Variants in HELQ observed in about 807,000 individuals in gnomAD.
The protein encoded by HELQ is helicase, POLQ like.
Under a neutral mutation model 111.6 loss-of-function variants are expected in HELQ, and 77 were observed. That is an observed-to-expected ratio of 0.69 (90% CI 0.57 to 0.83). The LOEUF (loss-of-function observed/expected upper bound fraction) is 0.83. HELQ is among the 40% of genes least tolerant of loss of function. The probability of loss-of-function intolerance (pLI) is 0.00; values close to 1 mark genes in which losing one functional copy is unlikely to be tolerated. For missense variants in HELQ, 1,200 were observed against 1,288.5 expected (o/e 0.93, Z 1.05); for synonymous variants, 438 against 454.7 (o/e 0.96, Z 0.47).
At chr4:83,446,315 T>C (rs372687585) in intron 4 of HELQ, among the ~76,000 whole-genome samples, 5 of 47,176 alleles carry the variant, frequency 1.1e-4, no homozygotes, top group Non-Finnish European at 1.7e-4. Flanking sequence ...ACTAAAAAAA[T>C]TTTTTTTTTA....
chr4:83,434,049 A>C (rs1313087314), intron 9 of HELQ, among the ~76,000 whole-genome samples: 2 of 152,106 alleles, frequency 1.3e-5, no homozygotes, highest in East Asian at 3.9e-4. Flanking sequence ...AGAAATAAAA[A>C]AAAATTAACT....
intron 5 of HELQ, among the ~76,000 whole-genome samples, chr4:83,444,535 T>A (rs529456655): frequency 1.3e-5 from 2 of 152,096 alleles, no homozygotes; most frequent in East Asian, 3.9e-4. Context: ...TTTTTGTTGA[T>A]GTTGTTTTAA....
intron 2 of HELQ, among the ~76,000 whole-genome samples, chr4:83,452,884 A>G (rs893239783): frequency 6.6e-6 from 1 of 152,200 alleles, no homozygotes; most frequent in African/African-American, 2.4e-5. Flanking sequence ...CTACCAATAT[A>G]ATTATTGAAA....
In HELQ at chr4:83,446,788, A is replaced by C. The variant is rs200219777; in HGVS notation, c.1392+47T>G. 7.9e-6 allele frequency: 9 copies of C among 1,136,734 alleles called. No individual in the cohort carries two copies. In the East Asian group the frequency reaches 2.2e-4, roughly 28 times the overall value. The allele number at this position is 1,136,734 out of a possible 1,614,324, so 70.4% of individuals were successfully genotyped here. A position where few individuals can be genotyped will look rare whatever the true frequency, so the allele number is the denominator to read the frequency against. On this transcript the variant is annotated intron_variant, in intron 4 of 17. Transcript: ENST00000295488. ...CCACACAATAACCAGAATAATAAAT[A>C]TTTAGTATAATAAAAATATTGACAA...
intron 15 of HELQ, 21 bp from the exon 16 acceptor site, chr4:83,418,227 T>A: frequency 7.3e-7 from 1 of 1,365,732 alleles, no homozygotes; most frequent in South Asian, 1.3e-5. Flanking sequence ...CAAAGAAATA[T>A]ATAAAATTTA....
Position 83,453,603 on chromosome 4 carries a change from C to T in HELQ, c.640G>A (p.Gly214Ser). The T allele has an allele frequency of 6.2e-7, 1 of 1,612,346 alleles. No individual in the cohort carries two copies. The highest frequency in any genetic ancestry group is 8.5e-7 in the Non-Finnish European group (1 of 1,178,566). ...TCCCTTTCTTTCATAGAATGATCACCCAAATCATTTGAAGAGTTCTGCAAA... is the reference window on the plus strand; with the variant it reads ...TCCCTTTCTTTCATAGAATGATCACTCAAATCATTTGAAGAGTTCTGCAAA... ...ENLQNSSNDL[G>S]DHSMKERDWK... Residue 214 changes from glycine to serine, a missense_variant, in exon 2 of 18, where the codon GGT (glycine) becomes AGT (serine). Gly to Ser is a moderately conservative substitution (Grantham distance 56). Around this residue, in one of 3 missense-constraint regions of HELQ, gnomAD observed 610 missense variants for 607.1 expected, o/e 1.00. Coordinates refer to ENST00000295488, the MANE Select transcript of HELQ (RefSeq NM_133636.5).
chr4:83,439,227 C>T (rs987152099), intron 8 of HELQ, among the ~76,000 whole-genome samples: 5 of 151,940 alleles, frequency 3.3e-5, no homozygotes, highest in African/African-American at 9.7e-5. Flanking sequence ...GCCACCACAC[C>T]CAGCTAATTT....
rs144759347 is a variant in HELQ, at chr4:83,414,445, T to C, written c.3198+2286A>G. Among the ~76,000 whole-genome samples, 522 of 152,314 alleles carry C rather than the reference T, an allele frequency of 3.4e-3. 2 individuals carry two copies. The highest frequency in any genetic ancestry group is 0.012 in the African/African-American group (499 of 41,570). The stretch of plus-strand genomic sequence containing the variant: ...AAGTTCTGTTGACCCCTTAGACGCC[T>C]GTTCAAATTACTGTGTGGTTTCTGC... On this transcript the variant is annotated intron_variant, in intron 17 of 17. Coordinates refer to ENST00000295488, the MANE Select transcript of HELQ (RefSeq NM_133636.5).
chr4:83,445,881 A>G, intron 5 of HELQ, 133 bp downstream of exon 5: 3 of 597,260 alleles, frequency 5.0e-6, no homozygotes, highest in Non-Finnish European at 8.7e-6. Flanking sequence ...TATTCATTAG[A>G]AATTTTAAAA....
intron 8 of HELQ, 46 bp from the exon 9 acceptor site, chr4:83,437,143 G>C (rs1234542654): frequency 2.5e-6 from 4 of 1,569,730 alleles, no homozygotes; most frequent in Non-Finnish European, 3.5e-6. Flanking sequence ...ATCTTTTAGT[G>C]ACAAAATTTC....
At chr4:83,428,891 C>T (rs568816483) in intron 12 of HELQ, among the ~76,000 whole-genome samples, 1 of 152,002 alleles carries the variant, frequency 6.6e-6, no homozygotes, top group South Asian at 2.1e-4. Flanking sequence ...ATATTATGCA[C>T]TGAAATGAAA....
intron 13 of HELQ, among the ~76,000 whole-genome samples, chr4:83,426,940 A>G (rs903316221): frequency 1.3e-5 from 2 of 152,228 alleles, no homozygotes; most frequent in African/African-American, 4.8e-5. Context: ...TGGCTTTATA[A>G]TAAGTATGGA....
At chr4:83,407,694 A>C in intron 17 of HELQ, 134 bp from the exon 18 acceptor site, 1 of 616,248 alleles carries the variant, frequency 1.6e-6, no homozygotes, top group Non-Finnish European at 2.9e-6. Context: ...ATGAGATTGA[A>C]AAATGGCCAC....
intron 15 of HELQ, 27 bp downstream of exon 15, chr4:83,421,536 T>C: frequency 6.3e-7 from 1 of 1,576,504 alleles, no homozygotes. Flanking sequence ...ATGCACAAAG[T>C]ACATATCATA....
At position 83,416,818 on chromosome 4, in the gene HELQ, G is replaced by A; in HGVS notation, c.3111C>T (p.His1037=). The A allele has an allele frequency of 6.2e-7, 1 of 1,613,692 alleles. No individual in the cohort carries two copies. The highest frequency in any genetic ancestry group is 8.5e-7 in the Non-Finnish European group (1 of 1,179,688). ...GCACTTCAGGATTTGCATTAGCTAA[G>A]TGCATTAGACTTTTGTAACCTGCAC... ...LYSAGYKSLM[H]LANANPEVLV... Residue 1037 remains histidine (H), a synonymous_variant, in exon 17 of 18, where the codon CAC becomes CAT. Coordinates refer to ENST00000295488, the MANE Select transcript of HELQ (RefSeq NM_133636.5).
intron 8 of HELQ, among the ~76,000 whole-genome samples, chr4:83,438,209 G>C (rs1168038840): frequency 2.0e-5 from 3 of 152,190 alleles, no homozygotes; most frequent in Admixed American, 2.0e-4. Context: ...AATAGACTAT[G>C]AATAGTGATA....
intron 3 of HELQ, 41 bp from the exon 4 acceptor site, chr4:83,447,076 T>C (rs1196364365): frequency 3.0e-6 from 1 of 334,398 alleles, no homozygotes; most frequent in Non-Finnish European, 4.2e-6. Context: ...GGCCAGGCAT[T>C]GTGGCCAATG....
In HELQ at chr4:83,443,699, T is replaced by G. The variant is rs1227362697; in HGVS notation, c.1466-85A>C. The G allele has an allele frequency of 1.2e-4, 65 of 548,878 alleles. No individual in the cohort carries two copies. The East Asian group carries it at 2.0e-3, about 17-fold the overall frequency. The allele number at this position is 548,878 out of a possible 1,614,324, so 34.0% of individuals were successfully genotyped here. A position where few individuals can be genotyped will look rare whatever the true frequency, so the allele number is the denominator to read the frequency against. On this transcript the variant is annotated intron_variant, in intron 5 of 17. Coordinates refer to ENST00000295488, the MANE Select transcript of HELQ (RefSeq NM_133636.5). ...TAAAGTAATTTTAGCAAGTCTTTTG[T>G]GCTCTGAATTCTTCCTGAGTGATTT...
In HELQ at chr4:83,448,942, TAAAC is replaced by T. The variant is rs1578103428; in HGVS notation, c.1028_1031del (p.Cys343Ter). 6.3e-7 allele frequency: 1 copy of T among 1,598,694 alleles called. No individual in the cohort carries two copies. The highest frequency in any genetic ancestry group is 1.1e-5 in the South Asian group (1 of 88,710). On this transcript the variant is annotated frameshift_variant, in exon 3 of 18. Coordinates refer to ENST00000295488, the MANE Select transcript of HELQ (RefSeq NM_133636.5). LOFTEE classifies it high-confidence loss of function. ...TTCTTTCTTGCACAGAATTCAATGT[TAAAC>T]AAGTATGTTGCCATTCTGTGGAATT...
Sources: gnomAD v4.1 joint callset for allele counts (sites outside exome capture counted in the v4.1 genomes callset) on GRCh38, gnomAD v4.1.1 for gene constraint, gnomAD v4.1.1 regional missense constraint, MANE v1.5 for transcripts, NCBI Gene and HGNC (gene_info 2026-07-23, HGNC 2026-07-21) for gene names.